SRRM2: variants seen among roughly 807,000 people sequenced by gnomAD.
SRRM2 encodes the protein serine/arginine repetitive matrix 2.
In SRRM2, 30 loss-of-function variants were observed where a neutral mutation model predicts 213.8. The observed-to-expected ratio is 0.14, with a 90% CI of 0.10 to 0.19. The LOEUF (loss-of-function observed/expected upper bound fraction) is 0.19, where lower values mean the gene tolerates loss of function less well. SRRM2 is among the 10% of genes least tolerant of loss of function. SRRM2 has a pLI of 1.00. For missense variants in SRRM2, 4,904 were observed against 3,647.0 expected, an observed-to-expected ratio of 1.34 and a Z score of -8.88; for synonymous variants, 2,025 against 1,377.7, an observed-to-expected ratio of 1.47 and a Z score of -10.40.
rs989093545 is a variant in SRRM2 at position 2,763,508 on chromosome 16, T to C, written c.2980T>C (p.Ser994Pro). Residue 994 changes from serine (S) to proline (P), a missense_variant, in exon 11 of 15, where the codon TCA becomes CCA. Ser to Pro is a moderately conservative substitution (Grantham distance 74). Transcript: ENST00000301740. The part of the protein sequence containing the change: ...PPRQSHSGSI[S>P]PYPKVKAQTP... ...AAGACAAAGTCACTCAGGGTCTATT[T>C]CACCATACCCCAAAGTAAAGGCCCA... 2 of 1,614,110 alleles carry C rather than the reference T, an allele frequency of 1.2e-6. No individual in the cohort carries two copies. The highest frequency in any genetic ancestry group is 4.5e-5 in the East Asian group (2 of 44,878).
rs771368757 is a variant in SRRM2 at position 2,763,482 on chromosome 16, C to G, written c.2954C>G (p.Pro985Arg). The G allele has an allele frequency of 1.1e-5, 17 of 1,614,170 alleles. No homozygotes were observed. Among genetic ancestry groups the G allele is most frequent in the Non-Finnish European group, 1.4e-5 (17 of 1,180,024 alleles). ...PDTKVKPETP[P>R]RQSHSGSISP... ...ACCAAAGTGAAACCTGAAACACCGC[C>G]AAGACAAAGTCACTCAGGGTCTATT... The change falls in exon 11 of 15, where the codon CCA becomes CGA. Residue 985 changes from proline to arginine, a missense_variant. By Grantham distance (103) the Pro-to-Arg change is moderately radical (BLOSUM62 -2). Transcript: ENST00000301740.
rs1168097629 is a variant in SRRM2 at position 2,767,139 on chromosome 16, T to C, written c.6611T>C (p.Leu2204Pro). Residue 2204 changes from leucine (L) to proline (P), a missense_variant, in exon 11 of 15, where the codon CTT (leucine) becomes CCT (proline). Transcript: ENST00000301740. The stretch of plus-strand genomic sequence containing the variant: ...CCTCCGTCCATGTCTGCTGCTGGCC[T>C]TGCTGCAAGAATGTCCCAGGTTCCA... ...RPPPSMSAAG[L>P]AARMSQVPAP... The C allele has an allele frequency of 4.3e-6, 7 of 1,614,096 alleles. No individual in the cohort carries two copies. The highest frequency in any genetic ancestry group is 5.9e-6 in the Non-Finnish European group (7 of 1,180,040).
chr16:2,757,905 G>A lies in SRRM2; in HGVS notation c.475G>A (p.Glu159Lys), dbSNP rs1329735585. The A allele has an allele frequency of 6.2e-7, 1 of 1,614,060 alleles. No homozygotes were observed. The highest frequency in any genetic ancestry group is 1.1e-5 in the South Asian group (1 of 91,066). ...TTTTGATCCTCAGCGTCGTGCCCGA[G>A]AAGCTAAACAACCAGCTCCTGAGCC... ...SSFDPQRRAR[E>K]AKQPAPEPPK... The change falls in exon 4 of 15, where the codon GAA becomes AAA. Residue 159 changes from glutamate (E) to lysine (K), a missense_variant. Transcript: ENST00000301740.
chr16:2,765,087 AATC>A lies in SRRM2; in HGVS notation c.4564_4566del (p.Ser1522del), dbSNP rs760008596. Reference sequence around the variant, plus strand: ...CCCCAGAGAGAAAGAAGCGGGTCAGAATCATCAGTTGATCAGAAAACTGTGGCT... The same window carrying A: ...CCCCAGAGAGAAAGAAGCGGGTCAGAATCAGTTGATCAGAAAACTGTGGCT... On this transcript the variant is annotated inframe_deletion, in exon 11 of 15. Coordinates refer to ENST00000301740, the MANE Select transcript of SRRM2 (RefSeq NM_016333.4). 1.2e-6 allele frequency: 2 copies of A among 1,614,186 alleles called. No homozygotes were observed. Among genetic ancestry groups the A allele is most frequent in the Non-Finnish European group, 1.7e-6 (2 of 1,180,036 alleles).
At position 2,757,521 on chromosome 16, in the gene SRRM2, T is replaced by G; in HGVS notation, c.292T>G (p.Leu98Val). 6.2e-7 allele frequency: 1 copy of G among 1,614,082 alleles called. No individual in the cohort carries two copies. Reference protein sequence around the residue: ...QEKVATFRLMLLEKDVNPGGK... With the variant: ...QEKVATFRLMVLEKDVNPGGK... ...AAAAGTGGCGACCTTTCGACTCATG[T>G]TGCTGGAGAAGGATGTGAACCCTGG... The change falls in exon 3 of 15, where the codon TTG becomes GTG. Residue 98 changes from leucine (L) to valine (V), a missense_variant. Coordinates refer to ENST00000301740, the MANE Select transcript of SRRM2 (RefSeq NM_016333.4).
chr16:2,768,029 G>A lies in SRRM2; in HGVS notation c.7501G>A (p.Val2501Met). 3.7e-6 allele frequency: 6 copies of A among 1,614,188 alleles called. No individual in the cohort carries two copies. Among genetic ancestry groups the A allele is most frequent in the Non-Finnish European group, 5.1e-6 (6 of 1,180,026 alleles). The change falls in exon 11 of 15, where the codon GTG becomes ATG. Residue 2501 changes from valine (V) to methionine (M), a missense_variant. Coordinates refer to ENST00000301740, the MANE Select transcript of SRRM2 (RefSeq NM_016333.4). ...NGMLSVPAPG[V>M]PHSDVGEPPA... ...CATGCTCTCTGTCCCTGCCCCTGGG[G>A]TGCCCCACTCTGATGTGGGGGAGCC... is the stretch of plus-strand genomic sequence containing the variant.
chr16:2,769,095 G>A lies in SRRM2; in HGVS notation c.7832G>A (p.Ser2611Asn), dbSNP rs2068644328. Reference protein sequence around the residue: ...AKRKRRSSSSSSSSSSSSSSS... With the variant: ...AKRKRRSSSSNSSSSSSSSSS... ...CGGAAGAGGCGCTCTAGCAGTTCCA[G>A]TTCCAGCTCCTCCTCTTCATCTTCC... The change falls in exon 12 of 15, where the codon AGT becomes AAT. Residue 2611 changes from serine to asparagine, a missense_variant. Coordinates refer to ENST00000301740, the MANE Select transcript of SRRM2 (RefSeq NM_016333.4). The A allele has an allele frequency of 6.2e-7, 1 of 1,613,904 alleles. No homozygotes were observed. The highest frequency in any genetic ancestry group is 1.7e-5 in the Admixed American group (1 of 60,000).
At chr16:2,759,524 G>A (rs770133215) in intron 8 of SRRM2, 45 bp from the exon 9 acceptor site, 4 of 1,604,880 alleles carry the variant, frequency 2.5e-6, no homozygotes, top group Non-Finnish European at 3.4e-6. Context: ...AGAATCCAGG[G>A]CAGGTACAGC....
Position 2,765,954 on chromosome 16 carries a change from G to A in SRRM2, c.5426G>A (p.Arg1809Gln), listed in dbSNP as rs147066050. 49 of 1,614,016 alleles carry A rather than the reference G, an allele frequency of 3.0e-5. No homozygotes were observed. The highest frequency in any genetic ancestry group is 1.6e-4 in the Middle Eastern group (1 of 6,084). The change falls in exon 11 of 15, where the codon CGG becomes CAG. Residue 1809 changes from arginine (R) to glutamine (Q), a missense_variant. Arg to Gln is a conservative substitution (Grantham distance 43). Transcript: ENST00000301740. ...RRRQRSRSRSRVTRRRRGGSG... is the reference protein window; with the variant it reads ...RRRQRSRSRSQVTRRRRGGSG... ...AGACAGCGGAGCCGGTCAAGGTCGCGGGTTACTCGGCGGCGGAGGGGAGGC... is the reference window on the plus strand; with the variant it reads ...AGACAGCGGAGCCGGTCAAGGTCGCAGGTTACTCGGCGGCGGAGGGGAGGC...
chr16:2,768,184 C>CG lies in SRRM2; in HGVS notation c.7656_7657insG (p.Ser2553ValfsTer9), dbSNP rs747443009. On this transcript the variant is annotated frameshift_variant, in exon 11 of 15. Transcript: ENST00000301740. LOFTEE classifies it high-confidence loss of function. ...CTTCTTCATCATCGTCGTCGTCGTC[C>CG]TCCTCCTCCTCTGGCTCCAGTTCTA... 1.4e-6 allele frequency: 2 copies of CG among 1,440,624 alleles called. No individual in the cohort carries two copies. Among genetic ancestry groups the CG allele is most frequent in the African/African-American group, 2.8e-5 (2 of 72,220 alleles). 89.2% of individuals were successfully genotyped at this position (1,440,624 alleles called of 1,614,324 possible).
Position 2,761,864 on chromosome 16 carries a change from G to T in SRRM2, c.1336G>T (p.Ala446Ser). ...CCCAGAAAGTCCTAAACCTGCTCCA[G>T]CTCCAGGGTCCCACCGAGAGATTTC... Reference protein sequence around the residue: ...SSPESPKPAPAPGSHREISSS... With the variant: ...SSPESPKPAPSPGSHREISSS... The change falls in exon 11 of 15, where the codon GCT becomes TCT. Residue 446 changes from alanine to serine, a missense_variant. Transcript: ENST00000301740. 2 of 1,607,498 alleles carry T rather than the reference G, an allele frequency of 1.2e-6. No homozygotes were observed. Among genetic ancestry groups the T allele is most frequent in the Non-Finnish European group, 1.7e-6 (2 of 1,178,238 alleles).
chr16:2,765,319 G>T lies in SRRM2; in HGVS notation c.4791G>T (p.Arg1597Ser). Residue 1597 changes from arginine to serine, a missense_variant, in exon 11 of 15, where the codon AGG becomes AGT. By Grantham distance (110) the Arg-to-Ser change is moderately radical. Coordinates refer to ENST00000301740, the MANE Select transcript of SRRM2 (RefSeq NM_016333.4). ...CTCGACTATCCCCTCGGCGCAGTAGGTCTGGTTCCTCCCCTGAAGTGAAAG... is the reference window on the plus strand; with the variant it reads ...CTCGACTATCCCCTCGGCGCAGTAGTTCTGGTTCCTCCCCTGAAGTGAAAG... ...SKSRLSPRRS[R>S]SGSSPEVKDK... 1 of 1,614,112 alleles carries T rather than the reference G, an allele frequency of 6.2e-7. No homozygotes were observed. Among genetic ancestry groups the T allele is most frequent in the South Asian group, 1.1e-5 (1 of 91,084 alleles).
At position 2,760,409 on chromosome 16, in the gene SRRM2, T is replaced by C. The variant is rs1287262285; in HGVS notation, c.942T>C (p.Gly314=). Residue 314 remains glycine, a synonymous_variant, in exon 10 of 15, where the codon GGT becomes GGC. Coordinates refer to ENST00000301740, the MANE Select transcript of SRRM2 (RefSeq NM_016333.4). ...GAGATGCGCCTTTCAGTGAACCAGG[T>C]ACTACCAGCACACAACGGCCTAGTA... The part of the protein sequence containing the change: ...GEGDAPFSEP[G]TTSTQRPSSP... The C allele has an allele frequency of 1.9e-6, 3 of 1,613,942 alleles. No homozygotes were observed. The highest frequency in any genetic ancestry group is 1.7e-6 in the Non-Finnish European group (2 of 1,180,020).
Position 2,761,786 on chromosome 16 carries a change from A to G in SRRM2, c.1258A>G (p.Ser420Gly). The G allele has an allele frequency of 1.2e-6, 2 of 1,613,678 alleles. No homozygotes were observed. The highest frequency in any genetic ancestry group is 1.7e-6 in the Non-Finnish European group (2 of 1,179,886). ...EKLPQSSSSE[S>G]SPPSPQPTKV... ...ACTTCCCCAGTCTTCTTCCTCAGAG[A>G]GCAGCCCACCATCCCCTCAACCTAC... Residue 420 changes from serine to glycine, a missense_variant, in exon 11 of 15, where the codon AGC becomes GGC. Ser to Gly is a moderately conservative substitution (Grantham distance 56, BLOSUM62 0). Coordinates refer to ENST00000301740, the MANE Select transcript of SRRM2 (RefSeq NM_016333.4).
chr16:2,762,741 A>G lies in SRRM2; in HGVS notation c.2213A>G (p.Gln738Arg). Residue 738 changes from glutamine (Q) to arginine (R), a missense_variant, in exon 11 of 15, where the codon CAA (glutamine) becomes CGA (arginine). Coordinates refer to ENST00000301740, the MANE Select transcript of SRRM2 (RefSeq NM_016333.4). ...SERKNKSRTS[Q>R]RRSRSNSSPE... ...CGGAAAAACAAATCCAGAACATCTC[A>G]AAGAAGAAGCAGGTCCAATTCAAGC... 6.2e-7 allele frequency: 1 copy of G among 1,614,072 alleles called. No individual in the cohort carries two copies. Among genetic ancestry groups the G allele is most frequent in the East Asian group, 2.2e-5 (1 of 44,886 alleles).
intron 10 of SRRM2, chr16:2,760,767 T>C (rs1044816829): frequency 5.3e-5 from 23 of 431,478 alleles, no homozygotes; most frequent in South Asian, 2.0e-4. Flanking sequence ...GAACAAACGT[T>C]GTATCTTATC....
intron 2 of SRRM2, 39 bp downstream of exon 2, chr16:2,756,645 T>TA: frequency 6.3e-7 from 1 of 1,578,722 alleles, no homozygotes; most frequent in Non-Finnish European, 8.6e-7. Context: ...ACTGAATGAG[T>TA]GCAGAGCTGG....
chr16:2,763,313 A>G lies in SRRM2; in HGVS notation c.2785A>G (p.Ser929Gly), dbSNP rs1049660592. Residue 929 changes from serine to glycine, a missense_variant, in exon 11 of 15, where the codon AGC becomes GGC. Transcript: ENST00000301740. ...VKAIISPRQR[S>G]HSGSSSPSPS... The stretch of plus-strand genomic sequence containing the variant: ...GGCAATAATATCACCAAGACAAAGA[A>G]GCCATTCTGGCTCCTCTTCTCCAAG... 6.2e-7 allele frequency: 1 copy of G among 1,614,034 alleles called. No homozygotes were observed. Among genetic ancestry groups the G allele is most frequent in the Non-Finnish European group, 8.5e-7 (1 of 1,180,024 alleles).
intron 1 of SRRM2, among the ~76,000 whole-genome samples, chr16:2,753,936 C>G (rs994416826): frequency 6.6e-6 from 1 of 152,232 alleles, no homozygotes. Flanking sequence ...TTCTTTTTTG[C>G]ATATTTTACT....
Sources: allele counts gnomAD v4.1 joint callset (sites outside exome capture counted in the v4.1 genomes callset), GRCh38; gene constraint gnomAD v4.1.1; transcripts MANE v1.5; gene names NCBI Gene and HGNC (gene_info 2026-07-23, HGNC 2026-07-21).